The following TIGD3 variants were observed in gnomAD, a reference collection of about 807,000 sequenced individuals.
TIGD3 encodes tigger transposable element-derived protein 3.
Under a neutral mutation model 14.8 loss-of-function variants are expected in TIGD3, and 7 were observed. The observed-to-expected ratio is 0.47, with a 90% CI of 0.27 to 0.89. The LOEUF is 0.89. TIGD3 is among the 40% of genes least tolerant of loss of function. The probability of loss-of-function intolerance (pLI) is 0.13; values close to 1 mark genes in which losing one functional copy is unlikely to be tolerated. For missense variants in TIGD3, 581 were observed against 611.0 expected, an observed-to-expected ratio of 0.95 and a Z score of 0.52; for synonymous variants, 243 against 269.4, an observed-to-expected ratio of 0.90 and a Z score of 0.96.
rs1228106732 is a variant in TIGD3 at position 65,356,651 on chromosome 11, C to T, written c.843C>T (p.His281=). The change falls in exon 2 of 2, where the codon CAC becomes CAT. Residue 281 remains histidine (H), a synonymous_variant. Coordinates refer to ENST00000309880, the MANE Select transcript of TIGD3 (RefSeq NM_145719.3). This position sits in a 1 kb window ranked among gnomAD's most constrained non-coding sequence, Gnocchi z 5.2. ...TGGCAGGCCTGCCTGGGCTCTACCACGTGAAGCTCTTGCCTCTGGCCGCCT... is the reference window on the plus strand; with the variant it reads ...TGGCAGGCCTGCCTGGGCTCTACCATGTGAAGCTCTTGCCTCTGGCCGCCT... The part of the protein sequence containing the change: ...EELAGLPGLY[H]VKLLPLAASS... 1.2e-6 allele frequency: 2 copies of T among 1,613,028 alleles called. No homozygotes were observed. Among genetic ancestry groups the T allele is most frequent in the South Asian group, 1.1e-5 (1 of 91,080 alleles).
At position 65,356,011 on chromosome 11, in the gene TIGD3, G is replaced by T. The variant is rs1854846786; in HGVS notation, c.203G>T (p.Arg68Leu). The change falls in exon 2 of 2, where the codon CGC (arginine) becomes CTC (leucine). Residue 68 changes from arginine (R) to leucine (L), a missense_variant. Coordinates refer to ENST00000309880, the MANE Select transcript of TIGD3 (RefSeq NM_145719.3). The surrounding 1 kb of genome is among the most constrained non-coding windows in gnomAD (Gnocchi z 5.2). ...DWCSGTANRE[R>L]KRKRESKYSG... ...TGCAGCGGCACAGCCAACCGAGAGC[G>T]CAAGCGCAAGCGGGAGTCCAAGTAC... is the stretch of plus-strand genomic sequence containing the variant. 4 of 1,613,602 alleles carry T rather than the reference G, an allele frequency of 2.5e-6. No homozygotes were observed. The highest frequency in any genetic ancestry group is 3.4e-6 in the Non-Finnish European group (4 of 1,180,040).
chr11:65,357,291 G>A lies in TIGD3; in HGVS notation c.*67G>A. 1 of 1,417,936 alleles carries A rather than the reference G, an allele frequency of 7.1e-7. No homozygotes were observed. The highest frequency in any genetic ancestry group is 9.8e-7 in the Non-Finnish European group (1 of 1,024,122). The allele number at this position is 1,417,936 out of a possible 1,614,324, so 87.8% of individuals were successfully genotyped here. Reference sequence around the variant, plus strand: ...TCCCATGGAAACGGCCTCTTCAGAAGGCAGATCGGGCTGTCTCTTTCCTGT... The same window carrying A: ...TCCCATGGAAACGGCCTCTTCAGAAAGCAGATCGGGCTGTCTCTTTCCTGT... On this transcript the variant is annotated 3_prime_UTR_variant, in exon 2 of 2. Transcript: ENST00000309880.
At position 65,356,525 on chromosome 11, in the gene TIGD3, G is replaced by A. The variant is rs768263917; in HGVS notation, c.717G>A (p.Leu239=). 6.2e-7 allele frequency: 1 copy of A among 1,606,882 alleles called. No individual in the cohort carries two copies. Among genetic ancestry groups the A allele is most frequent in the East Asian group, 2.2e-5 (1 of 44,898 alleles). The change falls in exon 2 of 2, where the codon CTG becomes CTA. Residue 239 remains leucine (L), a synonymous_variant. Coordinates refer to ENST00000309880, the MANE Select transcript of TIGD3 (RefSeq NM_145719.3). The surrounding 1 kb of genome is among the most constrained non-coding windows in gnomAD (Gnocchi z 5.2). The part of the protein sequence containing the change: ...EALPASYHPD[L]GIPWLEWLAQ... ...TGCCTGCCTCCTACCACCCGGACCT[G>A]GGCATCCCCTGGTTAGAGTGGTTGG...
chr11:65,356,696 G>A lies in TIGD3; in HGVS notation c.888G>A (p.Leu296=). 6.2e-7 allele frequency: 1 copy of A among 1,613,324 alleles called. No homozygotes were observed. The highest frequency in any genetic ancestry group is 8.5e-7 in the Non-Finnish European group (1 of 1,180,010). ...CCGCCTCTAGCACCACGCCTCCCCTGCCCAGCTCAGTGGTCCGGGCCTTTA... is the reference window on the plus strand; with the variant it reads ...CCGCCTCTAGCACCACGCCTCCCCTACCCAGCTCAGTGGTCCGGGCCTTTA... The part of the protein sequence containing the change: ...PLAASSTTPP[L]PSSVVRAFKA... Residue 296 remains leucine (L), a synonymous_variant, in exon 2 of 2, where the codon CTG becomes CTA. Transcript: ENST00000309880. The surrounding 1 kb of genome is among the most constrained non-coding windows in gnomAD (Gnocchi z 5.2).
Position 65,356,387 on chromosome 11 carries a change from T to G in TIGD3, c.579T>G (p.Asp193Glu), listed in dbSNP as rs528194491. The G allele has an allele frequency of 6.2e-7, 1 of 1,610,980 alleles. No homozygotes were observed. Among genetic ancestry groups the G allele is most frequent in the Non-Finnish European group, 8.5e-7 (1 of 1,180,016 alleles). ...TGCCCGGCAGCTTTGGTGCATGTGA[T>G]CAAGTACAGGTGCTGCTGTGTGCCA... ...RAVPGSFGAC[D>E]QVQVLLCANS... Residue 193 changes from aspartate to glutamate, a missense_variant, in exon 2 of 2, where the codon GAT (aspartate) becomes GAG (glutamate). Coordinates refer to ENST00000309880, the MANE Select transcript of TIGD3 (RefSeq NM_145719.3). The surrounding 1 kb of genome is among the most constrained non-coding windows in gnomAD (Gnocchi z 5.2).
intron 1 of TIGD3, 62 bp downstream of exon 1, chr11:65,355,019 G>A (rs1416924166): frequency 3.9e-5 from 6 of 151,952 alleles, no homozygotes; most frequent in Non-Finnish European, 1.5e-5. Context: ...GACATACTCC[G>A]GGTCGAGGGG....
At chr11:65,355,670 C>G in intron 1 of TIGD3, 123 bp from the exon 2 acceptor site, 1 of 814,554 alleles carries the variant, frequency 1.2e-6, no homozygotes, top group East Asian at 2.7e-5. Context: ...CCTCTTTCAG[C>G]GGGTCCAGTC....
At position 65,357,349 on chromosome 11, in the gene TIGD3, A is replaced by C; in HGVS notation, c.*125A>C. The stretch of plus-strand genomic sequence containing the variant: ...GAACTGTCGTAAAGGTGTAGAAGGG[A>C]GAGAAGTTGGGACACCAAGTCTGAG... On this transcript the variant is annotated 3_prime_UTR_variant, in exon 2 of 2. Transcript: ENST00000309880. The C allele has an allele frequency of 2.1e-6, 2 of 947,778 alleles. No individual in the cohort carries two copies. Among genetic ancestry groups the C allele is most frequent in the African/African-American group, 3.3e-5 (2 of 59,990 alleles). 58.7% of individuals were successfully genotyped at this position (947,778 alleles called of 1,614,324 possible). A position where few individuals can be genotyped will look rare whatever the true frequency, so the allele number is the denominator to read the frequency against.
Position 65,357,062 on chromosome 11 carries a change from G to A in TIGD3, c.1254G>A (p.Lys418=), listed in dbSNP as rs138303918. 39 of 1,613,502 alleles carry A rather than the reference G, an allele frequency of 2.4e-5. No individual in the cohort carries two copies. Among genetic ancestry groups the A allele is most frequent in the Admixed American group, 8.3e-5 (5 of 59,956 alleles). ...CKEEIGTEDE[K]GDREGAFEPL... is the part of the protein sequence containing the mutation. ...AGGAGATAGGCACTGAAGACGAGAA[G>A]GGGGACAGAGAGGGTGCCTTTGAGC... The change falls in exon 2 of 2, where the codon AAG becomes AAA. Residue 418 remains lysine, a synonymous_variant. Transcript: ENST00000309880.
Position 65,356,344 on chromosome 11 carries a change from C to T in TIGD3, c.536C>T (p.Pro179Leu), listed in dbSNP as rs1292018288. The T allele has an allele frequency of 3.1e-6, 5 of 1,612,078 alleles. No individual in the cohort carries two copies. The highest frequency in any genetic ancestry group is 4.2e-6 in the Non-Finnish European group (5 of 1,180,038). Residue 179 changes from proline (P) to leucine (L), a missense_variant, in exon 2 of 2, where the codon CCC becomes CTC. Physicochemically the swap from Pro to Leu is moderately conservative, Grantham distance 98. Transcript: ENST00000309880. This position sits in a 1 kb window ranked among gnomAD's most constrained non-coding sequence, Gnocchi z 5.2. ...PEDVFGCAEL[P>L]LLYRAVPGSF... ...GACGTGTTTGGCTGTGCTGAATTGC[C>T]CTTGCTGTATCGGGCAGTGCCCGGC...
Position 65,355,825 on chromosome 11 carries a change from A to G in TIGD3, c.17A>G (p.Lys6Arg). The change falls in exon 2 of 2, where the codon AAG becomes AGG. Residue 6 changes from lysine (K) to arginine (R), a missense_variant. By Grantham distance (26) the Lys-to-Arg change is conservative (BLOSUM62 2). Transcript: ENST00000309880. ...GGAGAGGCCATGGAGCTGAGCAGCA[A>G]GAAGAAGCTTCACGCCCTGTCCCTG... is the stretch of plus-strand genomic sequence containing the variant. MELSSKKKLHALSLAE... is the reference protein window; with the variant it reads MELSSRKKLHALSLAE... 6.2e-7 allele frequency: 1 copy of G among 1,612,472 alleles called. No homozygotes were observed. Among genetic ancestry groups the G allele is most frequent in the Non-Finnish European group, 8.5e-7 (1 of 1,179,206 alleles).
rs1055846082 is a variant in TIGD3, at chr11:65,356,572, G to A, written c.764G>A (p.Gly255Glu). 6.2e-7 allele frequency: 1 copy of A among 1,608,420 alleles called. No individual in the cohort carries two copies. Among genetic ancestry groups the A allele is most frequent in the African/African-American group, 1.3e-5 (1 of 74,948 alleles). Residue 255 changes from glycine (G) to glutamate (E), a missense_variant, in exon 2 of 2, where the codon GGA becomes GAA. Gly to Glu is a moderately conservative substitution (Grantham distance 98). Transcript: ENST00000309880. The surrounding 1 kb of genome is among the most constrained non-coding windows in gnomAD (Gnocchi z 5.2). ...TTGGCACAGTTTGACCGGGACATGG[G>A]ACAGCAGGGCCGACAGGTGGCTTTG... is the stretch of plus-strand genomic sequence containing the variant. ...EWLAQFDRDM[G>E]QQGRQVALLL...
chr11:65,356,081 G>A lies in TIGD3; in HGVS notation c.273G>A (p.Arg91=), dbSNP rs1328497320. ...TGCTCTGCTGGTACCACATTGCCCG[G>A]GCCAAGGCCTGGGACGTGACGGGGC... The part of the protein sequence containing the change: ...EALLCWYHIA[R]AKAWDVTGPM... Residue 91 remains arginine, a synonymous_variant, in exon 2 of 2, where the codon CGG becomes CGA. Transcript: ENST00000309880. The surrounding 1 kb of genome is among the most constrained non-coding windows in gnomAD (Gnocchi z 5.2). 6.2e-7 allele frequency: 1 copy of A among 1,611,850 alleles called. No individual in the cohort carries two copies.
rs1236227118 is a variant in TIGD3 at position 65,357,174 on chromosome 11, G to T, written c.1366G>T (p.Glu456Ter). ...CAACAGCACTTCTCCTGAGCTATTC[G>T]AAAAATTCTACGACTGTGAGGAGGA... The part of the protein sequence containing the change: ...ECNSTSPELF[E>*]KFYDCEEEVE... Residue 456 changes from glutamate to a stop codon, truncating the protein, a stop_gained, in exon 2 of 2, where the codon GAA (glutamate) becomes TAA (stop). Transcript: ENST00000309880. LOFTEE classifies it high-confidence loss of function. 1 of 1,614,048 alleles carries T rather than the reference G, an allele frequency of 6.2e-7. No homozygotes were observed. Among genetic ancestry groups the T allele is most frequent in the Non-Finnish European group, 8.5e-7 (1 of 1,180,028 alleles).
chr11:65,356,171 C>T lies in TIGD3; in HGVS notation c.363C>T (p.Ile121=), dbSNP rs1350403277. Residue 121 remains isoleucine, a synonymous_variant, in exon 2 of 2, where the codon ATC becomes ATT. Coordinates refer to ENST00000309880, the MANE Select transcript of TIGD3 (RefSeq NM_145719.3). This position sits in a 1 kb window ranked among gnomAD's most constrained non-coding sequence, Gnocchi z 5.2. ...DIMGQDFVPS[I]GWLVRWKRRN... is the part of the protein sequence containing the mutation. ...TGGGCCAGGACTTCGTGCCCAGCAT[C>T]GGCTGGCTGGTCCGCTGGAAACGCC... 6.2e-7 allele frequency: 1 copy of T among 1,612,124 alleles called. No individual in the cohort carries two copies. Among genetic ancestry groups the T allele is most frequent in the East Asian group, 2.2e-5 (1 of 44,872 alleles).
At position 65,356,368 on chromosome 11, in the gene TIGD3, G is replaced by T. The variant is rs780542364; in HGVS notation, c.560G>T (p.Gly187Val). Reference sequence around the variant, plus strand: ...CCCTTGCTGTATCGGGCAGTGCCCGGCAGCTTTGGTGCATGTGATCAAGTA... The same window carrying T: ...CCCTTGCTGTATCGGGCAGTGCCCGTCAGCTTTGGTGCATGTGATCAAGTA... ...ELPLLYRAVP[G>V]SFGACDQVQV... The change falls in exon 2 of 2, where the codon GGC becomes GTC. Residue 187 changes from glycine (G) to valine (V), a missense_variant. Coordinates refer to ENST00000309880, the MANE Select transcript of TIGD3 (RefSeq NM_145719.3). This position sits in a 1 kb window ranked among gnomAD's most constrained non-coding sequence, Gnocchi z 5.2. 3 of 1,611,234 alleles carry T rather than the reference G, an allele frequency of 1.9e-6. No individual in the cohort carries two copies. The African/African-American group carries it at 4.0e-5, about 21-fold the overall frequency.
In TIGD3 at chr11:65,355,903, C is replaced by A; in HGVS notation, c.95C>A (p.Ser32Ter). Residue 32 changes from serine to a stop codon, truncating the protein, a stop_gained, in exon 2 of 2, where the codon TCG becomes TAG. Coordinates refer to ENST00000309880, the MANE Select transcript of TIGD3 (RefSeq NM_145719.3). LOFTEE classifies it high-confidence loss of function. ...CTGGATGAGTCCAAGATGTCCCAGT[C>A]GGAGGTGGCCCGGCGCTTCCAGGTT... ...ELLDESKMSQ[S>*]EVARRFQVSQ... 2 of 1,613,936 alleles carry A rather than the reference C, an allele frequency of 1.2e-6. No homozygotes were observed. Among genetic ancestry groups the A allele is most frequent in the Non-Finnish European group, 1.7e-6 (2 of 1,180,030 alleles).
At position 65,356,740 on chromosome 11, in the gene TIGD3, G is replaced by A. The variant is rs757492214; in HGVS notation, c.932G>A (p.Arg311Gln). 30 of 1,613,046 alleles carry A rather than the reference G, an allele frequency of 1.9e-5. No homozygotes were observed. The highest frequency in any genetic ancestry group is 1.7e-5 in the Non-Finnish European group (20 of 1,180,004). ...VRAFKAHYRH[R>Q]LLGKLAAIQS... ...GCCTTTAAGGCCCATTACCGACACC[G>A]GCTGTTGGGCAAACTGGCTGCCATC... is the stretch of plus-strand genomic sequence containing the variant. The change falls in exon 2 of 2, where the codon CGG (arginine) becomes CAG (glutamine). Residue 311 changes from arginine (R) to glutamine (Q), a missense_variant. Transcript: ENST00000309880. This position sits in a 1 kb window ranked among gnomAD's most constrained non-coding sequence, Gnocchi z 5.2.
In TIGD3 at chr11:65,357,527, G is replaced by C. The variant is rs1004030813; in HGVS notation, c.*303G>C. 3.0e-5 allele frequency: 9 copies of C among 295,392 alleles called. No homozygotes were observed. The highest frequency in any genetic ancestry group is 4.7e-5 in the Non-Finnish European group (7 of 148,736). The allele number at this position is 295,392 out of a possible 1,614,324, so 18.3% of individuals were successfully genotyped here. A position where few individuals can be genotyped will look rare whatever the true frequency, so the allele number is the denominator to read the frequency against. On this transcript the variant is annotated 3_prime_UTR_variant, in exon 2 of 2. Transcript: ENST00000309880. The stretch of plus-strand genomic sequence containing the variant: ...CTAGAGGCAGCCACTTAGAAAGGTG[G>C]AATTTGGGCTTTTTGGACAGACTGC...
Sources: gnomAD v4.1 joint callset for allele counts on GRCh38, gnomAD v4.1.1 for gene constraint, Gnocchi (gnomAD v3.1) non-coding constraint, MANE v1.5 for transcripts, NCBI Gene and HGNC (gene_info 2026-07-23, HGNC 2026-07-21) for gene names.